The following ADK variants were observed in gnomAD, a reference collection of about 807,000 sequenced individuals.
ADK encodes the protein adenosine kinase.
In ADK, 24 loss-of-function variants were observed where a neutral mutation model predicts 44.7. The ratio of observed to expected loss-of-function variants is 0.54; its 90% CI spans 0.39 to 0.76. ADK has a LOEUF of 0.76. Ranked by LOEUF, ADK falls within the 30% of genes least tolerant of loss-of-function variation. ADK has a pLI of 0.00. For missense variants in ADK, 321 were observed against 425.1 expected (o/e 0.76, Z 2.15); for synonymous variants, 128 against 142.6 (o/e 0.90, Z 0.73).
intron 7 of ADK, among the ~76,000 whole-genome samples, chr10:74,552,890 C>G (rs527394391): frequency 6.6e-6 from 1 of 152,274 alleles, no homozygotes; most frequent in Admixed American, 6.5e-5. Context: ...TGACCCATCA[C>G]TCATCCACTT....
At chr10:74,684,952 T>C (rs1011105512) in intron 10 of ADK, among the ~76,000 whole-genome samples, 3 of 152,212 alleles carry the variant, frequency 2.0e-5, no homozygotes, top group Non-Finnish European at 4.4e-5. Flanking sequence ...TTAGTCATTG[T>C]CTTAACAATA....
At chr10:74,300,481 A>G (rs896663017) in intron 3 of ADK, among the ~76,000 whole-genome samples, 4 of 151,714 alleles carry the variant, frequency 2.6e-5, no homozygotes, top group African/African-American at 7.3e-5. Flanking sequence ...GGTTCAAGCA[A>G]TTCTCCTACC....
rs1179869978 is a variant in ADK at position 74,455,658 on chromosome 10, CG to C, written c.555+57080del. Among the ~76,000 whole-genome samples, 3 of 152,064 alleles carry C rather than the reference CG, an allele frequency of 2.0e-5. No homozygotes were observed. The East Asian group carries it at 5.8e-4, about 29-fold the overall frequency. On this transcript the variant is annotated intron_variant, in intron 6 of 10. Coordinates refer to ENST00000539909, the MANE Select transcript of ADK (RefSeq NM_006721.4). ...CCTAGTAGCTGGGACTACAGGTGTG[CG>C]CCACCACGCCCAGCTAATTTTTGTA...
chr10:74,213,661 G>A (rs966117326), intron 2 of ADK, among the ~76,000 whole-genome samples: 2 of 152,100 alleles, frequency 1.3e-5, no homozygotes, highest in African/African-American at 2.4e-5. Flanking sequence ...AGTATGATGA[G>A]TTTATATAAG....
intron 7 of ADK, among the ~76,000 whole-genome samples, chr10:74,578,270 G>T (rs1169783880): frequency 1.3e-5 from 2 of 152,048 alleles, no homozygotes; most frequent in African/African-American, 4.8e-5. Context: ...ACATAAGCAG[G>T]TATCTAAACT....
At chr10:74,406,514 TAATAATAATAATAAG>T (rs1388100273) in intron 6 of ADK, among the ~76,000 whole-genome samples, 52 of 39,024 alleles carry the variant, frequency 1.3e-3, no homozygotes, top group African/African-American at 5.1e-3. Context: ...AAAATAATAA[TAATAATAATAATAAG>T]AAGAAGAAGA....
chr10:74,192,402 G>A (rs1842984470), intron 1 of ADK, among the ~76,000 whole-genome samples: 1 of 151,536 alleles, frequency 6.6e-6, no homozygotes, highest in Admixed American at 6.6e-5. Flanking sequence ...TAATTTTTCT[G>A]TTTTTAGTAG....
At chr10:74,170,500 T>C (rs1842129960) in intron 1 of ADK, among the ~76,000 whole-genome samples, 1 of 152,054 alleles carries the variant, frequency 6.6e-6, no homozygotes, top group Non-Finnish European at 1.5e-5. Flanking sequence ...TTTTAAGCCA[T>C]TTAAAAAAGA....
chr10:74,160,643 T>TTGTGTGCGTGCATGCAGGTAGGGG (rs1036684984), intron 1 of ADK, among the ~76,000 whole-genome samples: 1 of 151,658 alleles, frequency 6.6e-6, no homozygotes, highest in African/African-American at 2.4e-5. Flanking sequence ...TGCCCGTCTG[T>TTGTGTGCGTGCATGCAGGTAGGGG]TGTGTGCGTG....
intron 7 of ADK, among the ~76,000 whole-genome samples, chr10:74,526,133 G>A (rs1032465235): frequency 9.2e-5 from 14 of 151,792 alleles, no homozygotes; most frequent in African/African-American, 3.4e-4. Flanking sequence ...AAGTCCATTT[G>A]ATATTTGTTT....
chr10:74,186,453 TG>T (rs1474026803), intron 1 of ADK, among the ~76,000 whole-genome samples: 1 of 151,778 alleles, frequency 6.6e-6, no homozygotes, highest in African/African-American at 2.4e-5. Flanking sequence ...CTATTTTTTT[TG>T]TATTTTTTGT....
chr10:74,270,983 A>G (rs2132408078), intron 3 of ADK, among the ~76,000 whole-genome samples: 1 of 152,360 alleles, frequency 6.6e-6, no homozygotes, highest in Admixed American at 6.5e-5. Flanking sequence ...TTTTTAGTGT[A>G]GACAAAACTG....
intron 7 of ADK, among the ~76,000 whole-genome samples, chr10:74,545,266 A>G (rs1165352050): frequency 2.6e-5 from 4 of 152,224 alleles, no homozygotes; most frequent in African/African-American, 4.8e-5. Flanking sequence ...GTTACTGATC[A>G]CATTCTTTTC....
chr10:74,164,787 T>TA (rs1479558492), intron 1 of ADK, among the ~76,000 whole-genome samples: 6 of 152,240 alleles, frequency 3.9e-5, no homozygotes, highest in Admixed American at 3.9e-4. Flanking sequence ...TTTTCAAATG[T>TA]AAAAAAACAC....
intron 6 of ADK, among the ~76,000 whole-genome samples, chr10:74,495,505 T>C (rs1263485747): frequency 1.3e-5 from 2 of 152,202 alleles, no homozygotes; most frequent in African/African-American, 2.4e-5. Context: ...CTATTTAATT[T>C]CTCCAAGGAA....
intron 5 of ADK, among the ~76,000 whole-genome samples, 181 bp from the exon 6 acceptor site, chr10:74,398,290 G>A (rs1843586563): frequency 6.6e-6 from 1 of 151,932 alleles, no homozygotes; most frequent in African/African-American, 2.4e-5. Flanking sequence ...TATCATAGAT[G>A]CCTCAGAAAG....
At chr10:74,650,945 G>C in intron 9 of ADK, among the ~76,000 whole-genome samples, 1 of 151,816 alleles carries the variant, frequency 6.6e-6, no homozygotes, top group East Asian at 1.9e-4. Flanking sequence ...ACTGATTCTT[G>C]TATTGTTTGA....
intron 6 of ADK, among the ~76,000 whole-genome samples, chr10:74,421,138 TG>T (rs1229772610): frequency 6.6e-6 from 1 of 151,964 alleles, no homozygotes; most frequent in Non-Finnish European, 1.5e-5. Context: ...ACTGAATGGG[TG>T]GGGGAAAAGG....
chr10:74,266,042 G>A (rs183843910), intron 3 of ADK, among the ~76,000 whole-genome samples: 1 of 152,164 alleles, frequency 6.6e-6, no homozygotes, highest in African/African-American at 2.4e-5. Flanking sequence ...GGAGACTTAA[G>A]GATGATGTGT....
Sources: allele counts gnomAD v4.1 joint callset (sites outside exome capture counted in the v4.1 genomes callset), GRCh38; gene constraint gnomAD v4.1.1; transcripts MANE v1.5; gene names NCBI Gene and HGNC (gene_info 2026-07-23, HGNC 2026-07-21).